Variants in DPP3 observed in about 807,000 individuals in gnomAD.
DPP3 encodes the protein DPP III.
DPP3 carries 64 observed loss-of-function variants against 89.8 expected under a neutral mutation model. That is an observed-to-expected ratio of 0.71 (90% confidence interval 0.58 to 0.88). The LOEUF is 0.88. Among genes scored for constraint, DPP3 ranks in the 40% least tolerant of loss-of-function variants. The probability of loss-of-function intolerance (pLI) is 0.00; values close to 1 mark genes in which losing one functional copy is unlikely to be tolerated. For synonymous variants in DPP3, 377 were observed against 404.3 expected, an observed-to-expected ratio of 0.93 and a Z score of 0.81; for missense variants, 835 against 972.5, an observed-to-expected ratio of 0.86 and a Z score of 1.88.
intron 17 of DPP3, among the ~76,000 whole-genome samples, chr11:66,507,192 G>A (rs1383179727): frequency 1.3e-5 from 2 of 152,104 alleles, no homozygotes. Flanking sequence ...AGGGGGCCGG[G>A]CGCGGTGACT....
At chr11:66,481,993 C>T (rs1855096479) in intron 1 of DPP3, 200 bp from the exon 2 acceptor site, 1 of 705,496 alleles carries the variant, frequency 1.4e-6, no homozygotes, top group African/African-American at 1.8e-5. Context: ...CAAATATGGT[C>T]CACCAGTGTA....
chr11:66,493,226 A>G, intron 11 of DPP3, 47 bp downstream of exon 11: 1 of 1,529,292 alleles, frequency 6.5e-7, no homozygotes, highest in Non-Finnish European at 9.0e-7. Flanking sequence ...CACCTTCCTC[A>G]GCAGACTCAG....
intron 6 of DPP3, among the ~76,000 whole-genome samples, chr11:66,489,339 C>T (rs1012908099): frequency 2.6e-5 from 4 of 152,184 alleles, no homozygotes; most frequent in South Asian, 2.1e-4. Flanking sequence ...TTCTTCCCAT[C>T]GGCACATTCA....
chr11:66,489,781 TCA>T (rs1198484572), intron 6 of DPP3, among the ~76,000 whole-genome samples: 1 of 152,162 alleles, frequency 6.6e-6, no homozygotes, highest in East Asian at 1.9e-4. Context: ...GCTTGTTGAC[TCA>T]CACGCAGGTG....
intron 14 of DPP3, 34 bp from the exon 15 acceptor site, chr11:66,495,596 T>A: frequency 3.1e-6 from 5 of 1,614,034 alleles, no homozygotes; most frequent in Non-Finnish European, 4.2e-6. Context: ...GGGCAGCCTC[T>A]GACCATCCTG....
In DPP3 at chr11:66,488,093, C is replaced by T. The variant is rs566421285; in HGVS notation, c.667+86C>T. The T allele has an allele frequency of 1.7e-4, 193 of 1,160,616 alleles. 1 individual carries two copies. The highest frequency in any genetic ancestry group is 2.2e-4 in the South Asian group (15 of 68,484). 71.9% of individuals were successfully genotyped at this position (1,160,616 alleles called of 1,614,324 possible). On this transcript the variant is annotated intron_variant, in intron 6 of 17. Coordinates refer to ENST00000531863, the MANE Select transcript of DPP3 (RefSeq NM_130443.4). ...TCAGGTCCTACCAACTCTGCCACTCCTTCAGAAAGAGCATCCTTCTCTCCC... is the reference window on the plus strand; with the variant it reads ...TCAGGTCCTACCAACTCTGCCACTCTTTCAGAAAGAGCATCCTTCTCTCCC...
chr11:66,493,068 C>T lies in DPP3; in HGVS notation c.1185C>T (p.Tyr395=), dbSNP rs148013104. Reference sequence around the variant, plus strand: ...CTGGTCCTTCTCCACCTTCTCCAGACGATGATCTGAGGCAGACGGAAGGCT... The same window carrying T: ...CTGGTCCTTCTCCACCTTCTCCAGATGATGATCTGAGGCAGACGGAAGGCT... ...GIPAGINIPN[Y]DDLRQTEGFK... is the part of the protein sequence containing the mutation. Residue 395 remains tyrosine, a splice_region_variant and synonymous_variant, in exon 11 of 18, where the codon TAC becomes TAT. Coordinates refer to ENST00000531863, the MANE Select transcript of DPP3 (RefSeq NM_130443.4). The T allele has an allele frequency of 3.5e-4, 567 of 1,614,092 alleles. No individual in the cohort carries two copies. Among genetic ancestry groups the T allele is most frequent in the Non-Finnish European group, 4.3e-4 (506 of 1,179,996 alleles).
chr11:66,487,464 G>T (rs963531139), intron 5 of DPP3, 122 bp downstream of exon 5: 1 of 1,014,600 alleles, frequency 9.9e-7, no homozygotes, highest in Non-Finnish European at 1.5e-6. Flanking sequence ...TAGGGAAGGC[G>T]CGACCCCTGC....
At chr11:66,489,993 A>T (rs1346815826) in intron 6 of DPP3, among the ~76,000 whole-genome samples, 1 of 152,144 alleles carries the variant, frequency 6.6e-6, no homozygotes, top group Non-Finnish European at 1.5e-5. Flanking sequence ...AGGAGGAGGG[A>T]ACACAGATCC....
At chr11:66,504,145 G>A (rs1855745405) in intron 16 of DPP3, among the ~76,000 whole-genome samples, 1 of 151,820 alleles carries the variant, frequency 6.6e-6, no homozygotes, top group Non-Finnish European at 1.5e-5. Context: ...CTTTTTTTTA[G>A]AGACGAGACG....
At chr11:66,490,006 C>T (rs537987688) in intron 6 of DPP3, among the ~76,000 whole-genome samples, 3 of 152,288 alleles carry the variant, frequency 2.0e-5, no homozygotes, top group East Asian at 1.9e-4. Flanking sequence ...ACAGATCCCA[C>T]ATCTCCATGG....
rs1247011196 is a variant in DPP3, at chr11:66,482,367, C to A, written c.167C>A (p.Ala56Asp). 1.2e-6 allele frequency: 2 copies of A among 1,612,672 alleles called. No homozygotes were observed. Among genetic ancestry groups the A allele is most frequent in the South Asian group, 2.2e-5 (2 of 91,080 alleles). ...GTGCTGCTTCAGACCTCCCCTGAGGCCCCCTACATCTATGCTCTGCTCAGC... is the reference window on the plus strand; with the variant it reads ...GTGCTGCTTCAGACCTCCCCTGAGGACCCCTACATCTATGCTCTGCTCAGC... ...LAVLLQTSPE[A>D]PYIYALLSRL... The change falls in exon 2 of 18, where the codon GCC becomes GAC. Residue 56 changes from alanine (A) to aspartate (D), a missense_variant. Ala to Asp is a moderately radical substitution (Grantham distance 126). Transcript: ENST00000531863.
At chr11:66,493,206 G>T in intron 11 of DPP3, 27 bp downstream of exon 11, 1 of 1,594,126 alleles carries the variant, frequency 6.3e-7, no homozygotes, top group Non-Finnish European at 8.6e-7. Flanking sequence ...GGAGGGTCGG[G>T]GCTGGGCCTC....
At chr11:66,495,300 C>T (rs1855503817) in intron 13 of DPP3, 32 bp downstream of exon 13, 2 of 1,613,696 alleles carry the variant, frequency 1.2e-6, no homozygotes, top group Admixed American at 1.7e-5. Context: ...CCCCAGGGTA[C>T]TGGGAGGGTG....
In DPP3 at chr11:66,505,375, T is replaced by A. The variant is rs79019001; in HGVS notation, c.2041+601T>A. 3.3e-5 allele frequency among the ~76,000 whole-genome samples: 5 copies of A among 152,316 alleles called. No individual in the cohort carries two copies. The East Asian group carries it at 9.6e-4, about 29-fold the overall frequency. The stretch of plus-strand genomic sequence containing the variant: ...TACTTGTCACTTGAGATACCTAAGA[T>A]GATGTGTGTTATGGAGAGGTTAGAG... On this transcript the variant is annotated intron_variant, in intron 17 of 17. Coordinates refer to ENST00000531863, the MANE Select transcript of DPP3 (RefSeq NM_130443.4).
intron 4 of DPP3, 59 bp from the exon 5 acceptor site, chr11:66,487,209 T>C: frequency 1.3e-6 from 2 of 1,551,690 alleles, no homozygotes; most frequent in Non-Finnish European, 1.8e-6. Context: ...GAATATGACG[T>C]CCCTGCAGCC....
chr11:66,491,991 A>G (rs538978255), intron 9 of DPP3, among the ~76,000 whole-genome samples: 1 of 152,302 alleles, frequency 6.6e-6, no homozygotes, highest in East Asian at 1.9e-4. Flanking sequence ...CACTTTGCAG[A>G]TGTGAGCACT....
chr11:66,500,045 A>G (rs150355553), intron 16 of DPP3, among the ~76,000 whole-genome samples: 145 of 152,218 alleles, frequency 9.5e-4, no homozygotes, highest in African/African-American at 3.3e-3. Flanking sequence ...CAAAGGGTTC[A>G]TATTTAAAAT....
chr11:66,508,672 G>A (rs1476500158), intron 17 of DPP3, among the ~76,000 whole-genome samples: 1 of 152,080 alleles, frequency 6.6e-6, no homozygotes, highest in African/African-American at 2.4e-5. Context: ...ACAGGCTCAT[G>A]CCACCACGCC....
Sources: allele counts gnomAD v4.1 joint callset (sites outside exome capture counted in the v4.1 genomes callset), GRCh38; gene constraint gnomAD v4.1.1; transcripts MANE v1.5; gene names NCBI Gene and HGNC (gene_info 2026-07-23, HGNC 2026-07-21).